The following KDM2B variants were observed in gnomAD, a reference collection of about 807,000 sequenced individuals.
The protein encoded by KDM2B is lysine-specific demethylase 2B.
Under a neutral mutation model 150.0 loss-of-function variants are expected in KDM2B, and 26 were observed. The observed-to-expected ratio is 0.17, with a 90% CI of 0.13 to 0.24. The LOEUF is 0.24. Ranked by LOEUF, KDM2B falls within the 10% of genes least tolerant of loss-of-function variation. KDM2B has a pLI of 1.00. For synonymous variants in KDM2B, 734 were observed against 729.5 expected, an observed-to-expected ratio of 1.01 and a Z score of -0.10; for missense variants, 1,265 against 1,816.9, an observed-to-expected ratio of 0.70 and a Z score of 5.52.
chr12:121,420,323 G>A, the KDM2B span: 25 of 1,567,772 alleles, frequency 1.6e-5, no homozygotes, highest in Non-Finnish European at 2.0e-5. Flanking sequence ...AGAAGAAAAC[G>A]CAGAGGATCG....
chr12:121,552,718 A>C (rs1889597428), intron 4 of KDM2B, among the ~76,000 whole-genome samples: 2 of 150,732 alleles, frequency 1.3e-5, no homozygotes. Context: ...AGCAGTGGCC[A>C]GGTCCCTCCC....
At chr12:121,574,423 T>A in intron 4 of KDM2B, 124 bp downstream of exon 4, 2 of 855,074 alleles carry the variant, frequency 2.3e-6, no homozygotes, top group Admixed American at 4.3e-5. Context: ...CACCTGCTCC[T>A]GCCTTCTCCC....
intron 4 of KDM2B, among the ~76,000 whole-genome samples, chr12:121,572,371 C>T (rs1372881976): frequency 2.0e-5 from 3 of 152,212 alleles, no homozygotes; most frequent in Non-Finnish European, 4.4e-5. Flanking sequence ...ATCCCAGCTC[C>T]GTGGCCTCTG....
rs1885769941 is a variant in KDM2B, at chr12:121,513,534, G to A, written c.1048-132C>T. On this transcript the variant is annotated intron_variant, in intron 9 of 22. Coordinates refer to ENST00000377071, the MANE Select transcript of KDM2B (RefSeq NM_032590.5). The surrounding 1 kb of genome is among the most constrained non-coding windows in gnomAD (Gnocchi z 5.0). Reference sequence around the variant, plus strand: ...CATCTTAGCGAGAGCATGGATGGTCGGGGGAGAAATGGTGGGGTGCTGGAA... The same window carrying A: ...CATCTTAGCGAGAGCATGGATGGTCAGGGGAGAAATGGTGGGGTGCTGGAA... 3 of 1,018,196 alleles carry A rather than the reference G, an allele frequency of 2.9e-6. No individual in the cohort carries two copies. The highest frequency in any genetic ancestry group is 2.3e-5 in the Admixed American group (1 of 44,134). 63.1% of individuals were successfully genotyped at this position (1,018,196 alleles called of 1,614,324 possible).
rs372455591 is a variant in KDM2B at position 121,430,125 on chromosome 12, C to T, written c.*163G>A. On this transcript the variant is annotated 3_prime_UTR_variant, in exon 23 of 23. Transcript: ENST00000377071. The surrounding 1 kb of genome is among the most constrained non-coding windows in gnomAD (Gnocchi z 4.4). ...AAAGGAAAGTGTCGGCTCACTCATC[C>T]CCCAAACGGGTGGTTGAACAGCTTC... 8.0e-4 allele frequency: 1,286 copies of T among 1,613,820 alleles called. 15 individuals are homozygous for T. In the South Asian group the frequency reaches 0.011, roughly 13 times the overall value.
At chr12:121,570,477 G>A (rs1891016422) in intron 4 of KDM2B, among the ~76,000 whole-genome samples, 4 of 152,064 alleles carry the variant, frequency 2.6e-5, no homozygotes, top group South Asian at 2.1e-4. Flanking sequence ...GTGAGCCACC[G>A]CACCCAGCCT....
At chr12:121,565,071 G>C (rs185490708) in intron 4 of KDM2B, among the ~76,000 whole-genome samples, 11 of 151,930 alleles carry the variant, frequency 7.2e-5, no homozygotes, top group Non-Finnish European at 1.0e-4. Context: ...AGACTCAAGC[G>C]ATCCTCCCTC....
At chr12:121,433,017 C>A in intron 22 of KDM2B, 1 of 407,300 alleles carries the variant, frequency 2.5e-6, no homozygotes, top group Non-Finnish European at 4.9e-6. Flanking sequence ...CTGGCAGTTA[C>A]CTGTCGGTGG....
chr12:121,512,774 C>CCAAACACT (rs1885702048), intron 10 of KDM2B, among the ~76,000 whole-genome samples: 1 of 152,206 alleles, frequency 6.6e-6, no homozygotes, highest in South Asian at 2.1e-4. Flanking sequence ...TGCAGCGGCT[C>CCAAACACT]CAAACACTCT....
At chr12:121,466,521 C>CGCCGCCGCTGCCGCCGCT (rs879971419) in intron 12 of KDM2B, among the ~76,000 whole-genome samples, 2 of 151,880 alleles carry the variant, frequency 1.3e-5, no homozygotes, top group Admixed American at 1.3e-4. Context: ...CCTCCGCCGC[C>CGCCGCCGCTGCCGCCGCT]GCCGCCGCTG....
chr12:121,554,852 A>T (rs577527907), intron 4 of KDM2B, among the ~76,000 whole-genome samples: 1 of 152,328 alleles, frequency 6.6e-6, no homozygotes, highest in East Asian at 1.9e-4. Flanking sequence ...ACAAAAGAAC[A>T]TCTGCATCTG....
In KDM2B at chr12:121,443,786, G is replaced by C. The variant is rs782072876; in HGVS notation, c.2459C>G (p.Ser820Trp). The change falls in exon 17 of 23, where the codon TCG becomes TGG. Residue 820 changes from serine to tryptophan, a missense_variant. Physicochemically the swap from Ser to Trp is radical, Grantham distance 177. Coordinates refer to ENST00000377071, the MANE Select transcript of KDM2B (RefSeq NM_032590.5). ...GGAGGAACCGGGGGACGTTTGAAGC[G>C]ATGAGGCCTAAAGGGGGGTGGAGTG... ...QELSGRKRASSLQTSPGSSSH... is the reference protein window; with the variant it reads ...QELSGRKRASWLQTSPGSSSH... 1 of 1,592,874 alleles carries C rather than the reference G, an allele frequency of 6.3e-7. No homozygotes were observed. The highest frequency in any genetic ancestry group is 8.6e-7 in the Non-Finnish European group (1 of 1,168,418).
intron 4 of KDM2B, among the ~76,000 whole-genome samples, chr12:121,563,889 T>C (rs1555314343): frequency 6.6e-6 from 1 of 151,548 alleles, no homozygotes; most frequent in East Asian, 1.9e-4. Flanking sequence ...AGAGTGAGAC[T>C]CTGTCTCAAA....
intron 8 of KDM2B, among the ~76,000 whole-genome samples, chr12:121,523,782 C>A (rs553862456): frequency 1.3e-5 from 2 of 152,374 alleles, no homozygotes; most frequent in East Asian, 3.9e-4. Flanking sequence ...CTTTAGGCAA[C>A]CTCGTTCTGT....
At chr12:121,464,666 C>G (rs1338397252) in intron 12 of KDM2B, among the ~76,000 whole-genome samples, 8 of 152,244 alleles carry the variant, frequency 5.3e-5, no homozygotes, top group African/African-American at 1.7e-4. Context: ...CCAGGGCCTC[C>G]CTCCGACGGG....
At position 121,558,810 on chromosome 12, in the gene KDM2B, C is replaced by T. The variant is rs377633981; in HGVS notation, c.398-9172G>A. On this transcript the variant is annotated intron_variant, in intron 4 of 22. Transcript: ENST00000377071. ...TTAGCCATGTTGGCCAGGATGGTCT[C>T]GAATTCCTGACCTCAAGTGATTTGC... Among the ~76,000 whole-genome samples, 316 of 152,148 alleles carry T rather than the reference C, an allele frequency of 2.1e-3. 1 individual carries two copies. The highest frequency in any genetic ancestry group is 0.011 in the South Asian group (53 of 4,818).
intron 14 of KDM2B, 37 bp downstream of exon 14, chr12:121,445,238 G>T (rs1875943324): frequency 1.2e-6 from 2 of 1,602,508 alleles, no homozygotes; most frequent in Non-Finnish European, 1.7e-6. Flanking sequence ...ACCTGCCCCA[G>T]AGCGTCAGCA....
In KDM2B at chr12:121,444,480, C is replaced by G. The variant is rs782080218; in HGVS notation, c.2160G>C (p.Pro720=). The G allele has an allele frequency of 6.2e-6, 10 of 1,614,056 alleles. No homozygotes were observed. The East Asian group carries it at 2.0e-4, about 32-fold the overall frequency. Residue 720 remains proline, a synonymous_variant, in exon 15 of 23, where the codon CCG becomes CCC. Coordinates refer to ENST00000377071, the MANE Select transcript of KDM2B (RefSeq NM_032590.5). ...CGGTCTTGCCGGCGTGGTTACACTT[C>G]GGACACTCCCAGCAGTTTGGAAGCT... ...NDELPNCWEC[P]KCNHAGKTGK...
At chr12:121,553,207 G>A (rs1226252882) in intron 4 of KDM2B, among the ~76,000 whole-genome samples, 1 of 151,672 alleles carries the variant, frequency 6.6e-6, no homozygotes, top group Non-Finnish European at 1.5e-5. Flanking sequence ...CTACAGCCTG[G>A]GCGACAGAGC....
Sources: allele counts gnomAD v4.1 joint callset (sites outside exome capture counted in the v4.1 genomes callset), GRCh38; gene constraint gnomAD v4.1.1; non-coding constraint Gnocchi (gnomAD v3.1); transcripts MANE v1.5; gene names NCBI Gene and HGNC (gene_info 2026-07-23, HGNC 2026-07-21).